SLC2A9: variants seen among roughly 807,000 people sequenced by gnomAD.
SLC2A9 encodes solute carrier family 2 member 9.
SLC2A9 carries 39 observed loss-of-function variants against 50.6 expected under a neutral mutation model. The observed-to-expected ratio is 0.77, with a 90% confidence interval of 0.60 to 1.01. The LOEUF (loss-of-function observed/expected upper bound fraction) is 1.01, where lower values mean the gene tolerates loss of function less well. Among genes scored for constraint, SLC2A9 ranks in the 50% least tolerant of loss-of-function variants. SLC2A9 has a pLI of 0.00. For synonymous variants in SLC2A9, 324 were observed against 276.9 expected (o/e 1.17, Z -1.69); for missense variants, 686 against 677.6 (o/e 1.01, Z -0.14).
upstream of SLC2A9, among the ~76,000 whole-genome samples, chr4:10,024,999 G>A (rs544104841): frequency 2.0e-5 from 3 of 152,294 alleles, no homozygotes; most frequent in Non-Finnish European, 2.9e-5. Context: ...TTATTCTTGC[G>A]TGGGGTCTTG....
chr4:9,902,653 G>A (rs994231217), intron 8 of SLC2A9, among the ~76,000 whole-genome samples: 2 of 152,166 alleles, frequency 1.3e-5, no homozygotes, highest in Non-Finnish European at 2.9e-5. Flanking sequence ...CTTCTAGTGT[G>A]TTTTGGCTTT....
At chr4:9,950,091 A>T (rs975250259) in intron 5 of SLC2A9, among the ~76,000 whole-genome samples, 1 of 152,192 alleles carries the variant, frequency 6.6e-6, no homozygotes, top group Admixed American at 6.5e-5. Flanking sequence ...CATGAGGGTC[A>T]ATGTCACCCT....
At chr4:9,894,034 C>T (rs1738060253) in intron 8 of SLC2A9, among the ~76,000 whole-genome samples, 1 of 152,152 alleles carries the variant, frequency 6.6e-6, no homozygotes, top group African/African-American at 2.4e-5. Context: ...CTGTTTTACA[C>T]CAAGGGGCAG....
intron 8 of SLC2A9, among the ~76,000 whole-genome samples, chr4:9,908,028 A>G (rs1167197147): frequency 6.6e-6 from 1 of 152,184 alleles, no homozygotes; most frequent in African/African-American, 2.4e-5. Flanking sequence ...GTTTTGGGTC[A>G]ATAGCCCAGA....
chr4:9,874,502 C>T (rs749718397), intron 10 of SLC2A9, among the ~76,000 whole-genome samples: 13 of 152,164 alleles, frequency 8.5e-5, no homozygotes, highest in African/African-American at 2.4e-4. Flanking sequence ...TTTGGAACCG[C>T]GCAGAGGATG....
rs140848586 is a variant in SLC2A9 at position 9,934,739 on chromosome 4, A to G, written c.814+7174T>C. On this transcript the variant is annotated intron_variant, in intron 6 of 11. Transcript: ENST00000264784. Reference sequence around the variant, plus strand: ...AACATCTGCCATGGCGGTTTGCTGTACCTATCAACCTGTCGTCTAGGTTTT... The same window carrying G: ...AACATCTGCCATGGCGGTTTGCTGTGCCTATCAACCTGTCGTCTAGGTTTT... Among the ~76,000 whole-genome samples, 1,083 of 152,286 alleles carry G rather than the reference A, an allele frequency of 7.1e-3. 10 individuals carry two copies. The highest frequency in any genetic ancestry group is 0.025 in the African/African-American group (1,035 of 41,540).
chr4:9,956,485 A>G (rs941542947), intron 5 of SLC2A9, among the ~76,000 whole-genome samples: 2 of 151,524 alleles, frequency 1.3e-5, no homozygotes, highest in Non-Finnish European at 2.9e-5. Flanking sequence ...ATCTCAAAAA[A>G]CAAAAAAACA....
intron 3 of SLC2A9, among the ~76,000 whole-genome samples, chr4:9,814,927 G>T (rs1723370175): frequency 6.6e-6 from 1 of 151,906 alleles, no homozygotes. Flanking sequence ...CGGTGAAAAG[G>T]ATTAACAAAT....
chr4:9,944,704 C>G (rs1748794484), intron 5 of SLC2A9, among the ~76,000 whole-genome samples: 1 of 152,172 alleles, frequency 6.6e-6, no homozygotes, highest in Non-Finnish European at 1.5e-5. Context: ...AGAGTTTACT[C>G]CAGAGGGACT....
chr4:9,995,368 T>A (rs1428943508), intron 3 of SLC2A9, among the ~76,000 whole-genome samples: 4 of 152,176 alleles, frequency 2.6e-5, no homozygotes, highest in Non-Finnish European at 4.4e-5. Flanking sequence ...CAGACCCTCA[T>A]AAGCACCACT....
At chr4:9,865,462 C>T (rs1732296295) in intron 10 of SLC2A9, among the ~76,000 whole-genome samples, 1 of 152,216 alleles carries the variant, frequency 6.6e-6, no homozygotes, top group Admixed American at 6.5e-5. Context: ...TCATTTCTTT[C>T]TAGAACTCTG....
chr4:9,808,772 G>A (rs922844551), intron 3 of SLC2A9, among the ~76,000 whole-genome samples: 4 of 152,120 alleles, frequency 2.6e-5, no homozygotes, highest in Non-Finnish European at 4.4e-5. Context: ...GTGAACCAGA[G>A]AGAATACTGT....
chr4:10,038,018 G>T (rs889174583), intron 1 of SLC2A9, among the ~76,000 whole-genome samples: 4 of 152,110 alleles, frequency 2.6e-5, no homozygotes, highest in African/African-American at 9.7e-5. Flanking sequence ...AGGAGGAGGT[G>T]AGTGAGGTGA....
At chr4:9,798,242 C>A (rs147862037), downstream of SLC2A9, among the ~76,000 whole-genome samples, 502 of 152,304 alleles carry the variant, frequency 3.3e-3, 4 homozygotes, top group African/African-American at 0.011. Flanking sequence ...TGAGAAGTAG[C>A]AGGAGGCTTC....
In SLC2A9 at chr4:9,912,497, T is replaced by TAG. The variant is rs1213353269; in HGVS notation, c.1003-4153_1003-4152insCT. 1.2e-4 allele frequency among the ~76,000 whole-genome samples: 19 copies of TAG among 152,246 alleles called. 1 individual carries two copies. The highest frequency in any genetic ancestry group is 1.1e-3 in the Admixed American group (17 of 15,302). On this transcript the variant is annotated intron_variant, in intron 7 of 11. Coordinates refer to ENST00000264784, the MANE Select transcript of SLC2A9 (RefSeq NM_020041.3). ...CTTAATGCCCTGAAGCTCTCATTCT[T>TAG]AACTCACGTCATAGTGTTTTAGAGA... is the stretch of plus-strand genomic sequence containing the variant.
upstream of SLC2A9, among the ~76,000 whole-genome samples, chr4:10,024,161 C>G (rs1290163308): frequency 6.6e-5 from 10 of 152,190 alleles, no homozygotes; most frequent in Admixed American, 6.5e-4. Context: ...CAACCTCTCG[C>G]TGCCTCTGTG....
intron 3 of SLC2A9, among the ~76,000 whole-genome samples, chr4:9,792,163 C>CT (rs34289788): frequency 0.43 from 33,394 of 78,222 alleles, 6,692 homozygotes; most frequent in Non-Finnish European, 0.52. Context: ...TTCTATGTTT[C>CT]TTTTTTTTTT....
chr4:9,997,495 T>C (rs946523793), intron 2 of SLC2A9, among the ~76,000 whole-genome samples: 1 of 151,762 alleles, frequency 6.6e-6, no homozygotes, highest in Non-Finnish European at 1.5e-5. Flanking sequence ...AGGCCAGGAG[T>C]TCGAGATCAG....
chr4:9,995,408 A>C (rs960265291), intron 3 of SLC2A9, among the ~76,000 whole-genome samples: 14 of 152,148 alleles, frequency 9.2e-5, no homozygotes, highest in Non-Finnish European at 2.1e-4. Flanking sequence ...TTCCTGTCCC[A>C]TCTTTTAGAA....
Sources: gnomAD v4.1 joint callset for allele counts (sites outside exome capture counted in the v4.1 genomes callset) on GRCh38, gnomAD v4.1.1 for gene constraint, MANE v1.5 for transcripts, NCBI Gene and HGNC (gene_info 2026-07-23, HGNC 2026-07-21) for gene names.